DCC: variants seen among roughly 807,000 people sequenced by gnomAD.
DCC encodes netrin receptor DCC.
DCC carries 58 observed loss-of-function variants against 172.5 expected under a neutral mutation model. The ratio of observed to expected loss-of-function variants is 0.34; its 90% CI spans 0.27 to 0.42. The LOEUF is 0.42. Among genes scored for constraint, DCC ranks in the 10% least tolerant of loss-of-function variants. The pLI is 1.00. For synonymous variants in DCC, 709 were observed against 644.5 expected, an observed-to-expected ratio of 1.10 and a Z score of -1.52; for missense variants, 1,740 against 1,791.0, an observed-to-expected ratio of 0.97 and a Z score of 0.51.
intron 12 of DCC, among the ~76,000 whole-genome samples, chr18:53,285,989 A>T (rs1212694254): frequency 6.6e-6 from 1 of 152,168 alleles, no homozygotes; most frequent in Non-Finnish European, 1.5e-5. Flanking sequence ...CATTTACCTA[A>T]TGCCTGTATC....
At chr18:53,040,177 A>T (rs2042149963) in intron 5 of DCC, among the ~76,000 whole-genome samples, 1 of 152,038 alleles carries the variant, frequency 6.6e-6, no homozygotes, top group South Asian at 2.1e-4. Flanking sequence ...AATTCTTCTG[A>T]TAAAATAAAA....
chr18:52,566,175 C>A (rs925774625), intron 1 of DCC, among the ~76,000 whole-genome samples: 1 of 152,040 alleles, frequency 6.6e-6, no homozygotes, highest in Non-Finnish European at 1.5e-5. Context: ...CCATGGAATA[C>A]TATGCAGCCG....
At chr18:52,417,644 T>C (rs547541412) in intron 1 of DCC, among the ~76,000 whole-genome samples, 205 of 152,198 alleles carry the variant, frequency 1.3e-3, no homozygotes, top group Non-Finnish European at 2.5e-3. Context: ...ACTGATACCC[T>C]TTCTTCCAGT....
At chr18:52,664,238 T>C (rs901582295) in intron 1 of DCC, among the ~76,000 whole-genome samples, 3 of 152,048 alleles carry the variant, frequency 2.0e-5, no homozygotes, top group Non-Finnish European at 4.4e-5. Context: ...GAGGAAGGAA[T>C]GGGTGGAAGA....
intron 1 of DCC, among the ~76,000 whole-genome samples, chr18:52,656,311 T>A (rs1189561683): frequency 6.6e-6 from 1 of 151,850 alleles, no homozygotes; most frequent in Non-Finnish European, 1.5e-5. Context: ...CTCAGAGACC[T>A]CCCTCACTTC....
intron 1 of DCC, among the ~76,000 whole-genome samples, chr18:52,550,493 A>C (rs2032739421): frequency 6.6e-6 from 1 of 152,168 alleles, no homozygotes; most frequent in Non-Finnish European, 1.5e-5. Flanking sequence ...TTATTTGTCT[A>C]AGCCTATGGG....
At position 52,610,151 on chromosome 18, in the gene DCC, TAAAAAAAAAAAAA is replaced by T. The variant is rs1171109968; in HGVS notation, c.92-141887_92-141875del. 7.8e-3 allele frequency among the ~76,000 whole-genome samples: 147 copies of T among 18,962 alleles called. 5 individuals are homozygous for T. The highest frequency in any genetic ancestry group is 0.023 in the African/African-American group (100 of 4,304). The allele number at this position is 18,962 out of a possible 152,430, so 12.4% of individuals were successfully genotyped here. A position where few individuals can be genotyped will look rare whatever the true frequency, so the allele number is the denominator to read the frequency against. On this transcript the variant is annotated intron_variant, in intron 1 of 28. Coordinates refer to ENST00000442544, the MANE Select transcript of DCC (RefSeq NM_005215.4). ...CAACATGGCAAAACCCCATCTCTCATAAAAAAAAAAAAAAAAAAAAAAAAAAAATATATATATA... is the reference window on the plus strand; with the variant it reads ...CAACATGGCAAAACCCCATCTCTCATAAAAAAAAAAAAAAATATATATATA...
intron 2 of DCC, among the ~76,000 whole-genome samples, chr18:52,897,807 TGGGA>T (rs2145432734): frequency 6.6e-6 from 1 of 152,182 alleles, no homozygotes; most frequent in African/African-American, 2.4e-5. Context: ...GCCAACCACC[TGGGA>T]GTCTGTAATT....
intron 8 of DCC, among the ~76,000 whole-genome samples, chr18:53,171,732 C>T (rs752222679): frequency 6.6e-6 from 1 of 151,932 alleles, no homozygotes. Flanking sequence ...TAAACAGATA[C>T]TTCTCAAAAG....
At chr18:52,847,054 T>C (rs1467521099) in intron 2 of DCC, among the ~76,000 whole-genome samples, 11 of 152,222 alleles carry the variant, frequency 7.2e-5, no homozygotes. Flanking sequence ...GAACGCTTTC[T>C]ACTGAGATGG....
chr18:52,670,989 A>G (rs1157071318), intron 1 of DCC, among the ~76,000 whole-genome samples: 2 of 152,158 alleles, frequency 1.3e-5, no homozygotes, highest in African/African-American at 2.4e-5. Flanking sequence ...TTTTCTTCCA[A>G]AGCTTCCCCA....
chr18:52,900,445 A>G (rs971766903), intron 2 of DCC, among the ~76,000 whole-genome samples: 5 of 152,212 alleles, frequency 3.3e-5, no homozygotes, highest in African/African-American at 1.2e-4. Flanking sequence ...TAATGGCTCT[A>G]TATCTCTTGC....
chr18:53,432,102 G>A (rs1020353954), intron 21 of DCC, among the ~76,000 whole-genome samples: 1 of 152,020 alleles, frequency 6.6e-6, no homozygotes, highest in African/African-American at 2.4e-5. Context: ...TTATTTGCAT[G>A]CAGTTCTTTT....
intron 2 of DCC, among the ~76,000 whole-genome samples, chr18:52,891,249 G>T (rs2039646236): frequency 6.6e-6 from 1 of 152,030 alleles, no homozygotes; most frequent in South Asian, 2.1e-4. Context: ...GTTGCCTGGT[G>T]AACTCTGCAT....
At chr18:52,379,451 G>A (rs551766740) in intron 1 of DCC, among the ~76,000 whole-genome samples, 1 of 152,108 alleles carries the variant, frequency 6.6e-6, no homozygotes, top group South Asian at 2.1e-4. Flanking sequence ...AAACACTTTT[G>A]ACCACGTATT....
At chr18:53,035,331 G>A (rs1218888521) in intron 5 of DCC, among the ~76,000 whole-genome samples, 1 of 152,010 alleles carries the variant, frequency 6.6e-6, no homozygotes, top group Non-Finnish European at 1.5e-5. Flanking sequence ...CTGAGAATGG[G>A]AATTTCTTTT....
chr18:52,419,464 G>A (rs1409295953), intron 1 of DCC: 1 of 152,196 alleles, frequency 6.6e-6, no homozygotes, highest in African/African-American at 2.4e-5. Flanking sequence ...TGTAGGACTT[G>A]ATTAGAGAGT....
At chr18:53,028,503 T>C (rs2041986610) in intron 5 of DCC, among the ~76,000 whole-genome samples, 1 of 152,310 alleles carries the variant, frequency 6.6e-6, no homozygotes, top group Admixed American at 6.5e-5. Flanking sequence ...CCAGAAATTA[T>C]ATAGTTATAC....
chr18:52,896,959 G>C (rs7237177), intron 2 of DCC, among the ~76,000 whole-genome samples: 22,855 of 152,114 alleles, frequency 0.15, 2,212 homozygotes, highest in South Asian at 0.37. Flanking sequence ...ATGGGGCAAA[G>C]TATGAACCAC....
Sources: allele counts gnomAD v4.1 joint callset (sites outside exome capture counted in the v4.1 genomes callset), GRCh38; gene constraint gnomAD v4.1.1; transcripts MANE v1.5; gene names NCBI Gene and HGNC (gene_info 2026-07-23, HGNC 2026-07-21).